Variants in TAFA4 observed in about 807,000 individuals in gnomAD.
TAFA4 encodes chemokine-like protein TAFA-4.
Under a neutral mutation model 21.1 loss-of-function variants are expected in TAFA4, and 20 were observed. That is an observed-to-expected ratio of 0.95 (90% CI 0.67 to 1.38). TAFA4 has a LOEUF of 1.38. Ranked by LOEUF, TAFA4 falls within the 40% of genes most tolerant of loss-of-function variation. TAFA4 has a pLI of 0.00. For synonymous variants in TAFA4, 71 were observed against 67.4 expected, an observed-to-expected ratio of 1.05 and a Z score of -0.26; for missense variants, 211 against 180.9, an observed-to-expected ratio of 1.17 and a Z score of -0.95.
rs566238320 is a variant in TAFA4, at chr3:68,818,890, T to C, written c.130+61840A>G. ...GAGAATTACCCAAATGGGACATAGA[T>C]ACATGAAATAAGCACATGCTGCTGG... On this transcript the variant is annotated intron_variant, in intron 3 of 5. Transcript: ENST00000295569. Among the ~76,000 whole-genome samples the C allele has an allele frequency of 9.5e-4, 145 of 152,290 alleles. 1 individual carries two copies. Among genetic ancestry groups the C allele is most frequent in the African/African-American group, 3.4e-3 (143 of 41,566 alleles).
At chr3:68,839,584 C>T (rs1415342757) in intron 3 of TAFA4, among the ~76,000 whole-genome samples, 1 of 152,172 alleles carries the variant, frequency 6.6e-6, no homozygotes, top group Non-Finnish European at 1.5e-5. Flanking sequence ...CACCCGGATG[C>T]AATTCACAAC....
chr3:68,766,210 A>G (rs1702851639), intron 3 of TAFA4, among the ~76,000 whole-genome samples: 2 of 152,152 alleles, frequency 1.3e-5, no homozygotes, highest in Admixed American at 1.3e-4. Flanking sequence ...GTTTATATGT[A>G]CTTCCTCATG....
At chr3:68,846,091 T>A (rs574241024) in intron 3 of TAFA4, among the ~76,000 whole-genome samples, 209 of 152,250 alleles carry the variant, frequency 1.4e-3, no homozygotes, top group Non-Finnish European at 2.4e-3. Flanking sequence ...TTCTCCTGGA[T>A]AATATTCTGA....
intron 1 of TAFA4, among the ~76,000 whole-genome samples, chr3:68,911,409 T>C (rs574177906): frequency 1.3e-5 from 2 of 152,374 alleles, no homozygotes; most frequent in South Asian, 2.1e-4. Context: ...CAAAGACTTA[T>C]GTGTCAAGCA....
intron 3 of TAFA4, among the ~76,000 whole-genome samples, chr3:68,846,926 C>CTGG (rs1300364128): frequency 7.5e-5 from 8 of 106,218 alleles, no homozygotes; most frequent in African/African-American, 1.6e-4. Context: ...CAGATGCCAG[C>CTGG]CGCTCTCCTG....
At chr3:68,757,975 G>A (rs1702688586) in intron 3 of TAFA4, among the ~76,000 whole-genome samples, 1 of 151,886 alleles carries the variant, frequency 6.6e-6, no homozygotes, top group African/African-American at 2.4e-5. Context: ...AATGCTATGG[G>A]GTAGGTACTG....
At chr3:68,872,060 G>T (rs2089489195) in intron 3 of TAFA4, among the ~76,000 whole-genome samples, 1 of 151,980 alleles carries the variant, frequency 6.6e-6, no homozygotes, top group African/African-American at 2.4e-5. Context: ...TATCTATCCA[G>T]AAGAAAGGAA....
chr3:68,816,599 A>G (rs1437977138), intron 3 of TAFA4, among the ~76,000 whole-genome samples: 1 of 152,126 alleles, frequency 6.6e-6, no homozygotes, highest in East Asian at 1.9e-4. Flanking sequence ...AATAGTTTTT[A>G]TGGAATCCTC....
At chr3:68,823,500 T>C (rs534657029) in intron 3 of TAFA4, among the ~76,000 whole-genome samples, 2 of 152,286 alleles carry the variant, frequency 1.3e-5, no homozygotes, top group African/African-American at 2.4e-5. Context: ...GTTTGTTACA[T>C]AGGTAAACAT....
intron 1 of TAFA4, among the ~76,000 whole-genome samples, chr3:68,910,108 CAT>C (rs2089946555): frequency 6.6e-6 from 1 of 152,356 alleles, no homozygotes; most frequent in Admixed American, 6.5e-5. Context: ...TTCAAGCCAT[CAT>C]AGAGTCTCTA....
intron 5 of TAFA4, among the ~76,000 whole-genome samples, chr3:68,733,572 C>T (rs1046803780): frequency 2.6e-5 from 4 of 152,090 alleles, no homozygotes; most frequent in African/African-American, 4.8e-5. Context: ...TTAACTTTCA[C>T]TTTTGAAAAT....
chr3:68,792,091 A>C (rs1387322659), intron 3 of TAFA4, among the ~76,000 whole-genome samples: 1 of 152,202 alleles, frequency 6.6e-6, no homozygotes, highest in Non-Finnish European at 1.5e-5. Flanking sequence ...TTATTAAACA[A>C]TCTAATTGTT....
At chr3:68,861,633 G>A (rs1163320844) in intron 3 of TAFA4, among the ~76,000 whole-genome samples, 1 of 151,934 alleles carries the variant, frequency 6.6e-6, no homozygotes, top group Non-Finnish European at 1.5e-5. Context: ...GAGAAAGGAC[G>A]ACATGGTTGA....
intron 3 of TAFA4, among the ~76,000 whole-genome samples, chr3:68,806,371 T>C (rs889923253): frequency 3.9e-5 from 6 of 152,196 alleles, no homozygotes; most frequent in African/African-American, 1.4e-4. Context: ...ATGTTTTAAT[T>C]CAAATGACAT....
intron 3 of TAFA4, among the ~76,000 whole-genome samples, chr3:68,810,127 G>C (rs750503798): frequency 1.5e-4 from 23 of 152,196 alleles, no homozygotes; most frequent in Non-Finnish European, 2.9e-4. Context: ...ATTGGAATTT[G>C]ATAAGGAATG....
At chr3:68,796,843 T>A (rs1033150096) in intron 3 of TAFA4, among the ~76,000 whole-genome samples, 4 of 152,126 alleles carry the variant, frequency 2.6e-5, no homozygotes, top group African/African-American at 9.7e-5. Flanking sequence ...TAGACATTTC[T>A]CCAAATATAT....
chr3:68,829,204 TAG>T (rs1704320921), intron 3 of TAFA4, among the ~76,000 whole-genome samples: 1 of 152,070 alleles, frequency 6.6e-6, no homozygotes, highest in Admixed American at 6.6e-5. Context: ...AACAGATATA[TAG>T]ACCAATGGAA....
chr3:68,854,045 A>C (rs1575642196), intron 3 of TAFA4, among the ~76,000 whole-genome samples: 1 of 152,186 alleles, frequency 6.6e-6, no homozygotes, highest in Admixed American at 6.6e-5. Flanking sequence ...TTGGAAAAAT[A>C]AATGAAAATA....
intron 4 of TAFA4, among the ~76,000 whole-genome samples, chr3:68,749,425 T>C (rs1301583521): frequency 6.6e-6 from 1 of 152,214 alleles, no homozygotes; most frequent in Non-Finnish European, 1.5e-5. Context: ...TCTATTCTTA[T>C]TGACAGATAA....
Sources: allele counts gnomAD v4.1 joint callset (sites outside exome capture counted in the v4.1 genomes callset), GRCh38; gene constraint gnomAD v4.1.1; transcripts MANE v1.5; gene names NCBI Gene and HGNC (gene_info 2026-07-23, HGNC 2026-07-21).